The following TMPRSS11B variants were observed in gnomAD, a reference collection of about 807,000 sequenced individuals.
TMPRSS11B encodes transmembrane protease serine 11B.
In TMPRSS11B, 53 loss-of-function variants were observed where a neutral mutation model predicts 44.7. The ratio of observed to expected loss-of-function variants is 1.19; its 90% CI spans 0.95 to 1.49. TMPRSS11B has a LOEUF of 1.49. Among genes scored for constraint, TMPRSS11B ranks in the 40% most tolerant of loss-of-function variants. TMPRSS11B has a pLI of 0.00. For missense variants in TMPRSS11B, 526 were observed against 494.8 expected (o/e 1.06, Z -0.60); for synonymous variants, 140 against 159.2 (o/e 0.88, Z 0.91).
chr4:68,241,531 A>C (rs1416445188), intron 2 of TMPRSS11B, among the ~76,000 whole-genome samples, 158 bp downstream of exon 2: 3 of 152,144 alleles, frequency 2.0e-5, no homozygotes, highest in Non-Finnish European at 4.4e-5. Context: ...TGATTCAAAA[A>C]ATTTTATAAA....
intron 6 of TMPRSS11B, 86 bp downstream of exon 6, chr4:68,232,292 A>G: frequency 7.7e-7 from 1 of 1,291,888 alleles, no homozygotes; most frequent in South Asian, 1.3e-5. Context: ...TTTCCACATG[A>G]CATATTTCAA....
chr4:68,235,183 T>A (rs1719625937), intron 4 of TMPRSS11B, among the ~76,000 whole-genome samples: 1 of 152,188 alleles, frequency 6.6e-6, no homozygotes, highest in South Asian at 2.1e-4. Flanking sequence ...CAGTACATTC[T>A]TTTGATTAAT....
intron 2 of TMPRSS11B, among the ~76,000 whole-genome samples, chr4:68,236,747 C>G (rs1431277550): frequency 6.6e-6 from 1 of 152,028 alleles, no homozygotes; most frequent in Non-Finnish European, 1.5e-5. Context: ...CTCAGCCTAG[C>G]AATTACCCAA....
intron 2 of TMPRSS11B, among the ~76,000 whole-genome samples, chr4:68,239,787 G>A (rs1245600233): frequency 6.6e-6 from 1 of 152,116 alleles, no homozygotes; most frequent in African/African-American, 2.4e-5. Flanking sequence ...CATGGGTAAG[G>A]TCATGCCCCG....
At position 68,227,568 on chromosome 4, in the gene TMPRSS11B, C is replaced by G. The variant is rs1400697306; in HGVS notation, c.*343G>C. ...GGGACTATAGGTGCACGCCACCATG[C>G]CTAGCTAATTTTTGTATTTTTTGAA... On this transcript the variant is annotated 3_prime_UTR_variant, in exon 10 of 10. Coordinates refer to ENST00000332644, the MANE Select transcript of TMPRSS11B (RefSeq NM_182502.3). 6.5e-6 allele frequency: 1 copy of G among 152,822 alleles called. No individual in the cohort carries two copies. Among genetic ancestry groups the G allele is most frequent in the Non-Finnish European group, 1.5e-5 (1 of 68,902 alleles). The allele number at this position is 152,822 out of a possible 1,614,324, so 9.5% of individuals were successfully genotyped here. A position where few individuals can be genotyped will look rare whatever the true frequency, so the allele number is the denominator to read the frequency against.
At chr4:68,237,738 A>G (rs1216158512) in intron 2 of TMPRSS11B, among the ~76,000 whole-genome samples, 1 of 152,196 alleles carries the variant, frequency 6.6e-6, no homozygotes, top group East Asian at 1.9e-4. Context: ...GGAATTACCA[A>G]GATGCAGTGG....
chr4:68,239,219 T>G (rs899571431), intron 2 of TMPRSS11B, among the ~76,000 whole-genome samples: 11 of 152,180 alleles, frequency 7.2e-5, no homozygotes, highest in Non-Finnish European at 1.6e-4. Flanking sequence ...ACTAGTCTCC[T>G]TATAAGAGAA....
chr4:68,236,358 C>A (rs1719667480), intron 2 of TMPRSS11B, 92 bp from the exon 3 acceptor site: 1 of 762,414 alleles, frequency 1.3e-6, no homozygotes, highest in Non-Finnish European at 2.2e-6. Context: ...TTCCACCCAG[C>A]TTTAGAAATA....
chr4:68,243,588 A>G (rs1161884168), intron 1 of TMPRSS11B, among the ~76,000 whole-genome samples: 2 of 152,108 alleles, frequency 1.3e-5, no homozygotes, highest in African/African-American at 4.8e-5. Context: ...TATCAGCCTC[A>G]CAGAAAAAAG....
At chr4:68,238,714 G>A (rs1183829680) in intron 2 of TMPRSS11B, among the ~76,000 whole-genome samples, 1 of 151,948 alleles carries the variant, frequency 6.6e-6, no homozygotes, top group Non-Finnish European at 1.5e-5. Flanking sequence ...GAGATAGAGT[G>A]AGACTCCATC....
intron 1 of TMPRSS11B, among the ~76,000 whole-genome samples, chr4:68,242,833 T>C (rs1050521028): frequency 3.3e-5 from 5 of 152,094 alleles, no homozygotes; most frequent in African/African-American, 1.2e-4. Flanking sequence ...TCCCAAAGTG[T>C]TGGGATTACA....
In TMPRSS11B at chr4:68,234,891, C is replaced by T. The variant is rs1719619932; in HGVS notation, c.309-268G>A. On this transcript the variant is annotated intron_variant, in intron 4 of 9. Transcript: ENST00000332644. ...AACACTATGGGAAATGGAATACTGG[C>T]CAAGAAATGATTGGCATGAAGTCTT... Among the ~76,000 whole-genome samples, 3 of 152,002 alleles carry T rather than the reference C, an allele frequency of 2.0e-5. 1 individual carries two copies. Among genetic ancestry groups the T allele is most frequent in the Admixed American group, 2.0e-4 (3 of 15,234 alleles).
Position 68,228,797 on chromosome 4 carries a change from A to T in TMPRSS11B, c.1034T>A (p.Val345Glu). ...TCCAGCACATAACATTGTATCAGTC[A>T]CAAAGCCAGAGTATGCATATGAGGC... ...CNASYAYSGF[V>E]TDTMLCAGFM... Residue 345 changes from valine to glutamate, a missense_variant, in exon 9 of 10, where the codon GTG becomes GAG. By Grantham distance (121) the Val-to-Glu change is moderately radical. Coordinates refer to ENST00000332644, the MANE Select transcript of TMPRSS11B (RefSeq NM_182502.3). 6.2e-7 allele frequency: 1 copy of T among 1,613,876 alleles called. No homozygotes were observed. The highest frequency in any genetic ancestry group is 8.5e-7 in the Non-Finnish European group (1 of 1,179,864).
chr4:68,232,964 G>A (rs139838635), intron 5 of TMPRSS11B, among the ~76,000 whole-genome samples: 1 of 148,446 alleles, frequency 6.7e-6, no homozygotes, highest in Non-Finnish European at 1.5e-5. Flanking sequence ...AAGGAAAAAT[G>A]TCCCAATTAA....
At chr4:68,235,769 T>C (rs1719641941) in intron 4 of TMPRSS11B, among the ~76,000 whole-genome samples, 1 of 152,198 alleles carries the variant, frequency 6.6e-6, no homozygotes, top group African/African-American at 2.4e-5. Context: ...ATATAATGAC[T>C]CTTGCCCAGA....
chr4:68,229,236 T>G, intron 8 of TMPRSS11B, 21 bp downstream of exon 8: 1 of 1,572,838 alleles, frequency 6.4e-7, no homozygotes, highest in East Asian at 2.3e-5. Flanking sequence ...GCAGCTATTA[T>G]GATTTTACAA....
At position 68,229,183 on chromosome 4, in the gene TMPRSS11B, A is replaced by G. The variant is rs940335326; in HGVS notation, c.946+74T>C. On this transcript the variant is annotated intron_variant, in intron 8 of 9. Coordinates refer to ENST00000332644, the MANE Select transcript of TMPRSS11B (RefSeq NM_182502.3). ...GATTGATTAATTGCATGAGGGGATG[A>G]TTGATTGATTGATTGATTGATTGAT... 11 of 1,171,550 alleles carry G rather than the reference A, an allele frequency of 9.4e-6. No individual in the cohort carries two copies. The African/African-American group carries it at 2.1e-4, about 22-fold the overall frequency. The allele number at this position is 1,171,550 out of a possible 1,614,324, so 72.6% of individuals were successfully genotyped here.
intron 1 of TMPRSS11B, among the ~76,000 whole-genome samples, chr4:68,242,357 T>TATATTATATTA (rs1414354014): frequency 1.1e-3 from 65 of 61,032 alleles, no homozygotes; most frequent in South Asian, 3.6e-3. Context: ...ATATATAATA[T>TATATTATATTA]TATATTATAT....
chr4:68,242,091 T>C (rs1324743693), intron 1 of TMPRSS11B, among the ~76,000 whole-genome samples: 1 of 145,944 alleles, frequency 6.9e-6, no homozygotes, highest in Non-Finnish European at 1.5e-5. Context: ...TTTTAAAAAT[T>C]GAAGCAGGTT....
Sources: gnomAD v4.1 joint callset for allele counts (sites outside exome capture counted in the v4.1 genomes callset) on GRCh38, gnomAD v4.1.1 for gene constraint, MANE v1.5 for transcripts, NCBI Gene and HGNC (gene_info 2026-07-23, HGNC 2026-07-21) for gene names.